CA1: variants seen among roughly 807,000 people sequenced by gnomAD.
CA1 encodes carbonic anhydrase 1.
In CA1, 27 loss-of-function variants were observed where a neutral mutation model predicts 28.8. The observed-to-expected ratio is 0.94, with a 90% CI of 0.69 to 1.29. CA1 has a LOEUF of 1.29. Among genes scored for constraint, CA1 ranks in the 50% most tolerant of loss-of-function variants. CA1 has a pLI of 0.00. For missense variants in CA1, 335 were observed against 310.5 expected (o/e 1.08, Z -0.59); for synonymous variants, 121 against 108.8 (o/e 1.11, Z -0.70).
intron 1 of CA1, among the ~76,000 whole-genome samples, chr8:85,359,666 C>T (rs189562367): frequency 3.9e-5 from 6 of 152,294 alleles, no homozygotes; most frequent in East Asian, 3.9e-4. Context: ...ATTTCATAAA[C>T]GGTTATTTTC....
chr8:85,356,460 T>G (rs1809609297), intron 1 of CA1, among the ~76,000 whole-genome samples: 1 of 152,130 alleles, frequency 6.6e-6, no homozygotes. Flanking sequence ...AATTGCAAAT[T>G]GATAAATGCA....
intron 1 of CA1, among the ~76,000 whole-genome samples, chr8:85,357,356 C>G (rs558482050): frequency 6.6e-6 from 1 of 152,238 alleles, no homozygotes; most frequent in African/African-American, 2.4e-5. Context: ...CCTGATCTAC[C>G]TTTTAATCCT....
chr8:85,346,083 T>G (rs1809173105), intron 1 of CA1, among the ~76,000 whole-genome samples: 7 of 152,206 alleles, frequency 4.6e-5, no homozygotes, highest in Admixed American at 4.6e-4. Flanking sequence ...AAGTCAACTC[T>G]TTATATGTAA....
rs1808317867 is a variant in CA1, at chr8:85,329,704, A to C, written c.654T>G (p.Ser218Arg). ...VTWIICKESI[S>R]VSSEQLAQFR... is the part of the protein sequence containing the mutation. ...ACAACTCTACCTGCTCTGAGCTGAC[A>C]CTGATGCTCTCCTTACAGATGATCC... Residue 218 changes from serine to arginine, a missense_variant, in exon 7 of 8, where the codon AGT becomes AGG. Coordinates refer to ENST00000523022, the MANE Select transcript of CA1 (RefSeq NM_001128831.4). 6.2e-7 allele frequency: 1 copy of C among 1,610,888 alleles called. No homozygotes were observed. Among genetic ancestry groups the C allele is most frequent in the Admixed American group, 1.7e-5 (1 of 59,720 alleles).
intron 1 of CA1, among the ~76,000 whole-genome samples, chr8:85,363,764 T>C (rs1809895478): frequency 6.6e-6 from 1 of 152,198 alleles, no homozygotes; most frequent in African/African-American, 2.4e-5. Context: ...GCTAAAGATC[T>C]ACTGCAAGAA....
intron 1 of CA1, among the ~76,000 whole-genome samples, chr8:85,360,712 A>C (rs1809762133): frequency 6.6e-6 from 1 of 152,166 alleles, no homozygotes; most frequent in Non-Finnish European, 1.5e-5. Context: ...ATAAATAAAC[A>C]ATTAAAAATG....
chr8:85,361,218 C>T (rs1417020481), intron 1 of CA1, among the ~76,000 whole-genome samples: 1 of 152,134 alleles, frequency 6.6e-6, no homozygotes, highest in African/African-American at 2.4e-5. Flanking sequence ...TGCTGATGAC[C>T]CCTGGCTATC....
chr8:85,365,385 G>T (rs1809967210), intron 1 of CA1, among the ~76,000 whole-genome samples: 2 of 152,128 alleles, frequency 1.3e-5, no homozygotes, highest in South Asian at 2.1e-4. Flanking sequence ...TCTGAACTTT[G>T]CCTGACATGA....
chr8:85,370,139 G>T (rs1810162044), intron 1 of CA1, among the ~76,000 whole-genome samples: 2 of 152,218 alleles, frequency 1.3e-5, no homozygotes, highest in African/African-American at 4.8e-5. Context: ...GACTGTTCTA[G>T]AGAACTAGTG....
chr8:85,365,209 A>G (rs998076988), intron 1 of CA1, among the ~76,000 whole-genome samples: 5 of 152,234 alleles, frequency 3.3e-5, no homozygotes, highest in African/African-American at 1.2e-4. Flanking sequence ...ATTAATGATG[A>G]CAAAGGGTGA....
intron 1 of CA1, among the ~76,000 whole-genome samples, chr8:85,350,445 G>T (rs965311292): frequency 6.6e-6 from 1 of 152,158 alleles, no homozygotes; most frequent in African/African-American, 2.4e-5. Flanking sequence ...GCATCGCCTT[G>T]CACCTAGTTT....
intron 6 of CA1, among the ~76,000 whole-genome samples, chr8:85,330,336 A>G (rs1001574150): frequency 2.6e-5 from 4 of 152,212 alleles, no homozygotes; most frequent in African/African-American, 7.2e-5. Flanking sequence ...CTAATCTTTT[A>G]TGCATTCTGT....
chr8:85,370,989 A>G (rs137916224), intron 1 of CA1, among the ~76,000 whole-genome samples: 1 of 152,330 alleles, frequency 6.6e-6, no homozygotes, highest in African/African-American at 2.4e-5. Context: ...GTCTGCATTT[A>G]ACATATGACA....
intron 1 of CA1, among the ~76,000 whole-genome samples, chr8:85,362,463 G>A (rs530676307): frequency 1.5e-4 from 23 of 152,132 alleles, no homozygotes; most frequent in Non-Finnish European, 3.2e-4. Flanking sequence ...GCGTTTGAAG[G>A]TGGTGGTGGC....
At chr8:85,342,660 CTG>C (rs907868905) in intron 1 of CA1, 1 of 152,198 alleles carries the variant, frequency 6.6e-6, no homozygotes, top group African/African-American at 2.4e-5. Flanking sequence ...GCAAAGAAAA[CTG>C]ATTAGGATGT....
intron 2 of CA1, chr8:85,341,388 G>A (rs943356575): frequency 2.2e-6 from 1 of 455,254 alleles, no homozygotes; most frequent in Non-Finnish European, 3.9e-6. Context: ...TCTGAGGTAT[G>A]CCTGTATATA....
chr8:85,373,874 A>G (rs544353311), intron 1 of CA1, among the ~76,000 whole-genome samples: 22 of 152,334 alleles, frequency 1.4e-4, no homozygotes, highest in African/African-American at 5.3e-4. Context: ...GATAACTAGA[A>G]TAGTCAAATT....
chr8:85,376,686 T>C (rs1205280738), intron 1 of CA1, among the ~76,000 whole-genome samples: 1 of 150,464 alleles, frequency 6.6e-6, no homozygotes, highest in East Asian at 1.9e-4. Context: ...AATAAATAAA[T>C]AAATAAATAA....
intron 1 of CA1, among the ~76,000 whole-genome samples, chr8:85,377,794 C>A (rs1434501497): frequency 1.3e-5 from 2 of 150,356 alleles, no homozygotes; most frequent in Non-Finnish European, 2.9e-5. Flanking sequence ...CCAAGTGAGA[C>A]TCTGTCTCAA....
Sources: gnomAD v4.1 joint callset for allele counts (sites outside exome capture counted in the v4.1 genomes callset) on GRCh38, gnomAD v4.1.1 for gene constraint, MANE v1.5 for transcripts, NCBI Gene and HGNC (gene_info 2026-07-23, HGNC 2026-07-21) for gene names.